FAM162B: variants seen among roughly 807,000 people sequenced by gnomAD.
The protein encoded by FAM162B is protein FAM162B.
A neutral mutation model predicts 20.0 loss-of-function variants in FAM162B; 16 were observed. That is an observed-to-expected ratio of 0.80 (90% CI 0.54 to 1.21). The LOEUF (loss-of-function observed/expected upper bound fraction) is 1.21, where lower values mean the gene tolerates loss of function less well. Ranked by LOEUF, FAM162B falls within the 50% of genes most tolerant of loss-of-function variation. FAM162B has a pLI of 0.00. For synonymous variants in FAM162B, 83 were observed against 89.7 expected (o/e 0.93, Z 0.42); for missense variants, 260 against 227.5 (o/e 1.14, Z -0.92).
At position 116,757,564 on chromosome 6, in the gene FAM162B, T is replaced by C. The variant is rs534754922; in HGVS notation, c.390+4413A>G. Reference sequence around the variant, plus strand: ...GAGTTTGAGGCCAGCCTGGGTGGCATGGCAAAAACTCATTTCTACAAAAAA... The same window carrying C: ...GAGTTTGAGGCCAGCCTGGGTGGCACGGCAAAAACTCATTTCTACAAAAAA... On this transcript the variant is annotated intron_variant, in intron 3 of 3. Coordinates refer to ENST00000368557, the MANE Select transcript of FAM162B (RefSeq NM_001085480.3). Among the ~76,000 whole-genome samples, 181 of 151,916 alleles carry C rather than the reference T, an allele frequency of 1.2e-3. 4 individuals are homozygous for C. The South Asian group carries it at 0.033, about 28-fold the overall frequency.
intron 3 of FAM162B, among the ~76,000 whole-genome samples, chr6:116,754,050 A>G (rs927376245): frequency 2.0e-5 from 3 of 152,220 alleles, no homozygotes; most frequent in African/African-American, 7.2e-5. Flanking sequence ...GGGTAAGTGA[A>G]AAATGTCACA....
At chr6:116,752,740 A>G (rs930596653) in intron 3 of FAM162B, 45 bp from the exon 4 acceptor site, 4 of 505,796 alleles carry the variant, frequency 7.9e-6, no homozygotes, top group Non-Finnish European at 1.1e-5. Context: ...ATATAGATAC[A>G]CGTATATATA....
intron 3 of FAM162B, among the ~76,000 whole-genome samples, chr6:116,755,516 G>A (rs138696858): frequency 1.1e-4 from 17 of 152,338 alleles, no homozygotes; most frequent in East Asian, 3.9e-4. Flanking sequence ...AGCAGCAAGT[G>A]CTAATAGAGA....
intron 3 of FAM162B, among the ~76,000 whole-genome samples, chr6:116,757,776 G>A (rs975553650): frequency 6.6e-6 from 1 of 151,490 alleles, no homozygotes; most frequent in Non-Finnish European, 1.5e-5. Context: ...AAAAAGGGGT[G>A]GGGTGGGGAG....
Position 116,765,226 on chromosome 6 carries a change from T to C in FAM162B, c.202A>G (p.Arg68Gly), listed in dbSNP as rs761278994. The change falls in exon 2 of 4, where the codon AGG (arginine) becomes GGG (glycine). Residue 68 changes from arginine (R) to glycine (G), a missense_variant. By Grantham distance (125) the Arg-to-Gly change is moderately radical. Coordinates refer to ENST00000368557, the MANE Select transcript of FAM162B (RefSeq NM_001085480.3). ...ATTTTCTTGTCGAACTGCGAAGGCC[T>C]GCGCTGCGTGGGGACTCGGTGAATC... is the stretch of plus-strand genomic sequence containing the variant. ...GEIHRVPTQR[R>G]PSQFDKKILL... 1.2e-6 allele frequency: 2 copies of C among 1,613,828 alleles called. No homozygotes were observed. Among genetic ancestry groups the C allele is most frequent in the Middle Eastern group, 3.3e-4 (2 of 6,062 alleles).
chr6:116,760,538 TAAAC>T (rs1343561511), intron 3 of FAM162B, among the ~76,000 whole-genome samples: 1 of 152,194 alleles, frequency 6.6e-6, no homozygotes, highest in African/African-American at 2.4e-5. Flanking sequence ...TGATTCTAAG[TAAAC>T]AAATTGTCTA....
Position 116,759,306 on chromosome 6 carries a change from T to A in FAM162B, c.390+2671A>T, listed in dbSNP as rs1372875389. ...TATTTCTAATCTTTCTTTCTTTTTT[T>A]TTTTTTTTTTATTTTTTGAGACAGA... On this transcript the variant is annotated intron_variant, in intron 3 of 3. Transcript: ENST00000368557. 3.3e-5 allele frequency among the ~76,000 whole-genome samples: 5 copies of A among 150,614 alleles called. No homozygotes were observed. The South Asian group carries it at 1.0e-3, about 31-fold the overall frequency.
At chr6:116,759,316 T>TA in intron 3 of FAM162B, among the ~76,000 whole-genome samples, 1 of 149,280 alleles carries the variant, frequency 6.7e-6, no homozygotes, top group Non-Finnish European at 1.5e-5. Context: ...TTTTTTTTTT[T>TA]ATTTTTTGAG....
chr6:116,753,116 C>T (rs977354437), intron 3 of FAM162B, among the ~76,000 whole-genome samples: 1 of 152,072 alleles, frequency 6.6e-6, no homozygotes, highest in African/African-American at 2.4e-5. Context: ...TAGCCATACA[C>T]ATCTCAATAA....
intron 3 of FAM162B, among the ~76,000 whole-genome samples, chr6:116,759,586 C>G (rs926080488): frequency 1.3e-5 from 2 of 151,988 alleles, no homozygotes; most frequent in African/African-American, 4.8e-5. Context: ...GGATTACAGG[C>G]GTGAGCCACC....
At chr6:116,758,212 T>C (rs947325128) in intron 3 of FAM162B, among the ~76,000 whole-genome samples, 2 of 152,188 alleles carry the variant, frequency 1.3e-5, no homozygotes, top group African/African-American at 2.4e-5. Flanking sequence ...TTATGTGTCA[T>C]AAGACTGGAA....
At chr6:116,757,778 G>A (rs569533645) in intron 3 of FAM162B, among the ~76,000 whole-genome samples, 2 of 151,748 alleles carry the variant, frequency 1.3e-5, no homozygotes, top group East Asian at 3.9e-4. Context: ...AAAGGGGTGG[G>A]GTGGGGAGAC....
Position 116,758,554 on chromosome 6 carries a change from A to G in FAM162B, c.390+3423T>C, listed in dbSNP as rs147947607. On this transcript the variant is annotated intron_variant, in intron 3 of 3. Transcript: ENST00000368557. ...TACTTTATTTATGGCACTTTTTACC[A>G]AGCAGAATTTTAAACTTTATATGAT... 3.6e-3 allele frequency among the ~76,000 whole-genome samples: 554 copies of G among 152,254 alleles called. 17 individuals carry two copies. The highest frequency in any genetic ancestry group is 0.027 in the Admixed American group (412 of 15,280).
intron 2 of FAM162B, among the ~76,000 whole-genome samples, chr6:116,764,109 AC>A (rs1421148066): frequency 6.6e-6 from 1 of 151,732 alleles, no homozygotes; most frequent in Admixed American, 6.6e-5. Flanking sequence ...CTCCCACCCC[AC>A]CCCCTAGCTA....
At chr6:116,762,119 A>T (rs1170539577) in intron 2 of FAM162B, 34 bp from the exon 3 acceptor site, 5 of 1,485,132 alleles carry the variant, frequency 3.4e-6, no homozygotes, top group African/African-American at 1.4e-5. Flanking sequence ...TAAATATGTA[A>T]AAGTAATATG....
chr6:116,756,799 G>A (rs1005221714), intron 3 of FAM162B, among the ~76,000 whole-genome samples: 3 of 152,174 alleles, frequency 2.0e-5, no homozygotes, highest in African/African-American at 7.2e-5. Context: ...AACTCATTGT[G>A]TACTATAAAC....
At chr6:116,761,488 A>AT (rs1293971505) in intron 3 of FAM162B, among the ~76,000 whole-genome samples, 1 of 151,898 alleles carries the variant, frequency 6.6e-6, no homozygotes, top group East Asian at 1.9e-4. Flanking sequence ...TCTTCTGCAG[A>AT]TTTTAACCAC....
Position 116,752,484 on chromosome 6 carries a change from G to T in FAM162B, c.*113C>A. The T allele has an allele frequency of 2.2e-6, 1 of 457,402 alleles. No individual in the cohort carries two copies. Among genetic ancestry groups the T allele is most frequent in the Non-Finnish European group, 3.8e-6 (1 of 261,036 alleles). The allele number at this position is 457,402 out of a possible 1,614,324, so 28.3% of individuals were successfully genotyped here. A position where few individuals can be genotyped will look rare whatever the true frequency, so the allele number is the denominator to read the frequency against. Reference sequence around the variant, plus strand: ...AAATAAAAAAGACATTGTGCTTCTTGTTACCAAAATAAAACCATGGCAGAT... The same window carrying T: ...AAATAAAAAAGACATTGTGCTTCTTTTTACCAAAATAAAACCATGGCAGAT... On this transcript the variant is annotated 3_prime_UTR_variant, in exon 4 of 4. Coordinates refer to ENST00000368557, the MANE Select transcript of FAM162B (RefSeq NM_001085480.3).
chr6:116,765,103 G>A (rs775187432), intron 2 of FAM162B, 44 bp downstream of exon 2: 60 of 1,596,858 alleles, frequency 3.8e-5, no homozygotes, highest in Non-Finnish European at 4.9e-5. Context: ...GCACCCTTGC[G>A]GCCGGGGACC....
Sources: gnomAD v4.1 joint callset for allele counts (sites outside exome capture counted in the v4.1 genomes callset) on GRCh38, gnomAD v4.1.1 for gene constraint, MANE v1.5 for transcripts, NCBI Gene and HGNC (gene_info 2026-07-23, HGNC 2026-07-21) for gene names.